PALM2AKAP2: variants seen among roughly 807,000 people sequenced by gnomAD.
PALM2AKAP2 encodes the protein PALM2-AKAP2 fusion protein.
In PALM2AKAP2, 37 loss-of-function variants were observed where a neutral mutation model predicts 71.5. The ratio of observed to expected loss-of-function variants is 0.52; its 90% CI spans 0.40 to 0.68. PALM2AKAP2 has a LOEUF of 0.68. Ranked by LOEUF, PALM2AKAP2 falls within the 30% of genes least tolerant of loss-of-function variation. The pLI is 0.00. For synonymous variants in PALM2AKAP2, 468 were observed against 478.8 expected (o/e 0.98, Z 0.29); for missense variants, 1,224 against 1,191.8 (o/e 1.03, Z -0.40).
chr9:109,729,757 C>G (rs539054304), intron 1 of PALM2AKAP2, among the ~76,000 whole-genome samples: 1 of 152,090 alleles, frequency 6.6e-6, no homozygotes, highest in Non-Finnish European at 1.5e-5. Context: ...CTTTGAAGGA[C>G]CTGTTTAAAT....
At chr9:109,836,159 C>T (rs1300134947) in intron 1 of PALM2AKAP2, among the ~76,000 whole-genome samples, 13 of 152,260 alleles carry the variant, frequency 8.5e-5, no homozygotes, top group African/African-American at 1.9e-4. Flanking sequence ...CTCACATGGC[C>T]GGATACCCCT....
chr9:109,728,810 T>C (rs1009347513), intron 1 of PALM2AKAP2, among the ~76,000 whole-genome samples: 3 of 152,188 alleles, frequency 2.0e-5, no homozygotes, highest in African/African-American at 7.2e-5. Flanking sequence ...TGGAGGTTTG[T>C]ATGTCACACT....
chr9:110,100,758 A>T (rs1162596814), intron 1 of PALM2AKAP2, among the ~76,000 whole-genome samples: 1 of 152,180 alleles, frequency 6.6e-6, no homozygotes, highest in African/African-American at 2.4e-5. Context: ...GATAACTACT[A>T]CAATTCCTGG....
In PALM2AKAP2 at chr9:109,701,093, G is replaced by T. The variant is rs7860919; in HGVS notation, c.5+60227G>T. On this transcript the variant is annotated intron_variant, in intron 1 of 6. Transcript: ENST00000374531. ...ATTTTAAGAGATAATGTAAGGTTGG[G>T]GTATATATATTATGGATACAGACAA... Among the ~76,000 whole-genome samples, 200 of 152,070 alleles carry T rather than the reference G, an allele frequency of 1.3e-3. 1 individual carries two copies. The highest frequency in any genetic ancestry group is 4.5e-3 in the African/African-American group (188 of 41,504).
At chr9:109,990,456 C>T (rs929839726) in intron 6 of PALM2AKAP2, among the ~76,000 whole-genome samples, 1 of 152,100 alleles carries the variant, frequency 6.6e-6, no homozygotes, top group African/African-American at 2.4e-5. Context: ...ACAGTGAGCC[C>T]ACATATTTCT....
At chr9:110,110,079 T>G (rs1329767997) in intron 1 of PALM2AKAP2, among the ~76,000 whole-genome samples, 1 of 152,202 alleles carries the variant, frequency 6.6e-6, no homozygotes. Flanking sequence ...TGAAAGTTGC[T>G]AAGAGGGTAG....
chr9:109,970,640 C>A (rs1264459593), intron 6 of PALM2AKAP2, among the ~76,000 whole-genome samples: 1 of 152,244 alleles, frequency 6.6e-6, no homozygotes, highest in Non-Finnish European at 1.5e-5. Flanking sequence ...ATACATTCAG[C>A]ACTGCCACTT....
chr9:109,686,856 T>C (rs1174417565), intron 1 of PALM2AKAP2, among the ~76,000 whole-genome samples: 1 of 128,850 alleles, frequency 7.8e-6, no homozygotes, highest in African/African-American at 2.9e-5. Context: ...GGCCCCGGTG[T>C]GTGATGTTCC....
intron 1 of PALM2AKAP2, among the ~76,000 whole-genome samples, chr9:109,691,174 T>TACACACACACACACAC (rs56966509): frequency 0.011 from 1,640 of 147,518 alleles, 20 homozygotes; most frequent in Middle Eastern, 0.031. Context: ...CTTTGAATTT[T>TACACACACACACACAC]ACACACACAC....
At chr9:109,735,950 G>A (rs1828623742) in intron 1 of PALM2AKAP2, among the ~76,000 whole-genome samples, 1 of 152,232 alleles carries the variant, frequency 6.6e-6, no homozygotes, top group Non-Finnish European at 1.5e-5. Flanking sequence ...GACCAAATGA[G>A]AAGAAGAAAG....
At chr9:110,091,459 C>T (rs78091101) in intron 1 of PALM2AKAP2, among the ~76,000 whole-genome samples, 261 of 83,480 alleles carry the variant, frequency 3.1e-3, no homozygotes, top group African/African-American at 4.7e-3. Context: ...GAGATTTATT[C>T]TTTTTTTTTT....
intron 1 of PALM2AKAP2, among the ~76,000 whole-genome samples, chr9:110,076,492 CATATATATAT>C (rs149836822): frequency 1.9e-5 from 2 of 106,760 alleles, no homozygotes; most frequent in African/African-American, 9.0e-5. Context: ...ATATATTCTA[CATATATATAT>C]ATATATATAG....
At chr9:109,978,729 G>A (rs1832212819) in intron 6 of PALM2AKAP2, among the ~76,000 whole-genome samples, 2 of 152,154 alleles carry the variant, frequency 1.3e-5, no homozygotes, top group African/African-American at 4.8e-5. Context: ...ATCTCTTTAT[G>A]TCATTGCCTT....
intron 6 of PALM2AKAP2, among the ~76,000 whole-genome samples, chr9:109,948,441 T>C (rs985578505): frequency 2.0e-5 from 3 of 152,212 alleles, no homozygotes; most frequent in African/African-American, 7.2e-5. Flanking sequence ...ATATGTAATT[T>C]TGGGGACTGC....
chr9:110,158,112 G>A (rs1216776659), intron 3 of PALM2AKAP2, among the ~76,000 whole-genome samples: 1 of 152,198 alleles, frequency 6.6e-6, no homozygotes, highest in East Asian at 1.9e-4. Flanking sequence ...TCACTGTAGG[G>A]GAGCCAGCAG....
intron 1 of PALM2AKAP2, among the ~76,000 whole-genome samples, chr9:109,669,109 T>G (rs1827535979): frequency 6.6e-6 from 1 of 152,220 alleles, no homozygotes; most frequent in Non-Finnish European, 1.5e-5. Flanking sequence ...GACGTAGAGG[T>G]AAGCTTAAAC....
chr9:109,878,728 A>G (rs1829772694), intron 2 of PALM2AKAP2, among the ~76,000 whole-genome samples: 1 of 152,086 alleles, frequency 6.6e-6, no homozygotes, highest in African/African-American at 2.4e-5. Context: ...CTAACTTACT[A>G]ATACTAAGTG....
chr9:109,705,810 A>C (rs554309413), intron 1 of PALM2AKAP2, among the ~76,000 whole-genome samples: 4 of 152,220 alleles, frequency 2.6e-5, no homozygotes, highest in Non-Finnish European at 5.9e-5. Flanking sequence ...TAGTTGAATT[A>C]TTTAACTTCT....
chr9:110,043,714 G>GTTTTTTTTTTTTTTTTTTTTTTTTTTTT (rs71492869), upstream of PALM2AKAP2, among the ~76,000 whole-genome samples: 2 of 98,410 alleles, frequency 2.0e-5, 1 homozygote. Flanking sequence ...GTTTTTTTTG[G>GTTTTTTTTTTTTTTTTTTTTTTTTTTTT]TGTTTTTTTT....
Sources: allele counts gnomAD v4.1 joint callset (sites outside exome capture counted in the v4.1 genomes callset), GRCh38; gene constraint gnomAD v4.1.1; transcripts MANE v1.5; gene names NCBI Gene and HGNC (gene_info 2026-07-23, HGNC 2026-07-21).